The following SDK1 variants were observed in gnomAD, a reference collection of about 807,000 sequenced individuals.
The protein encoded by SDK1 is sidekick cell adhesion molecule 1.
A neutral mutation model predicts 245.5 loss-of-function variants in SDK1; 157 were observed. The observed-to-expected ratio is 0.64, with a 90% CI of 0.56 to 0.73. The LOEUF (loss-of-function observed/expected upper bound fraction) is 0.73. Among genes scored for constraint, SDK1 ranks in the 30% least tolerant of loss-of-function variants. The pLI, the probability that SDK1 is intolerant of heterozygous loss-of-function variation, is 0.00. For synonymous variants in SDK1, 1,647 were observed against 1,278.5 expected, an observed-to-expected ratio of 1.29 and a Z score of -6.15; for missense variants, 3,583 against 3,002.3, an observed-to-expected ratio of 1.19 and a Z score of -4.52.
chr7:3,503,928 GA>G (rs1425096486), intron 1 of SDK1, among the ~76,000 whole-genome samples: 5 of 151,992 alleles, frequency 3.3e-5, no homozygotes, highest in African/African-American at 1.2e-4. Flanking sequence ...GAGGTGGGCG[GA>G]TCACGAGGTC....
chr7:3,600,493 C>T (rs1041206233), intron 1 of SDK1, among the ~76,000 whole-genome samples: 6 of 151,108 alleles, frequency 4.0e-5, no homozygotes, highest in Admixed American at 2.6e-4. Context: ...TGATTCATTA[C>T]CAAGTTTACG....
chr7:3,632,537 G>C (rs1229020527), intron 2 of SDK1, among the ~76,000 whole-genome samples: 1 of 149,628 alleles, frequency 6.7e-6, no homozygotes, highest in Non-Finnish European at 1.5e-5. Flanking sequence ...CCCAAAACCA[G>C]TGCTACAGAT....
intron 1 of SDK1, among the ~76,000 whole-genome samples, chr7:3,342,396 C>G (rs904352556): frequency 2.0e-5 from 3 of 151,916 alleles, no homozygotes; most frequent in African/African-American, 7.3e-5. Flanking sequence ...TGAGATCAGC[C>G]TGACCGACAT....
chr7:3,534,585 T>C (rs987659103), intron 1 of SDK1, among the ~76,000 whole-genome samples: 2 of 151,944 alleles, frequency 1.3e-5, no homozygotes, highest in Admixed American at 1.3e-4. Context: ...AGGTGTGAGG[T>C]GGTGTTGCAC....
At chr7:3,625,091 C>G (rs1782072873) in intron 2 of SDK1, among the ~76,000 whole-genome samples, 1 of 151,942 alleles carries the variant, frequency 6.6e-6, no homozygotes, top group Admixed American at 6.6e-5. Context: ...CAAACCAATG[C>G]TAAAAACAAC....
chr7:3,855,461 A>G (rs1780522064), intron 5 of SDK1, among the ~76,000 whole-genome samples: 1 of 152,204 alleles, frequency 6.6e-6, no homozygotes, highest in Non-Finnish European at 1.5e-5. Context: ...GATTGTTGCA[A>G]TAAAAATTAA....
chr7:4,107,570 C>G (rs747638254), intron 22 of SDK1, among the ~76,000 whole-genome samples: 10 of 151,912 alleles, frequency 6.6e-5, no homozygotes, highest in African/African-American at 2.4e-5. Flanking sequence ...ACTGGTTTCA[C>G]TAAGAGGAGC....
chr7:3,595,852 AAAAAC>A (rs1179004750), intron 1 of SDK1, among the ~76,000 whole-genome samples: 13 of 149,130 alleles, frequency 8.7e-5, no homozygotes, highest in African/African-American at 2.2e-4. Flanking sequence ...AAAAAAAAAA[AAAAAC>A]AACAACAAAA....
At chr7:4,034,967 C>G (rs1422863329) in intron 17 of SDK1, among the ~76,000 whole-genome samples, 2 of 152,178 alleles carry the variant, frequency 1.3e-5, no homozygotes, top group Non-Finnish European at 2.9e-5. Flanking sequence ...TATATTTTAT[C>G]TATTCATAGC....
chr7:3,533,127 G>C (rs543283227), intron 1 of SDK1, among the ~76,000 whole-genome samples: 5 of 152,320 alleles, frequency 3.3e-5, no homozygotes, highest in African/African-American at 4.8e-5. Flanking sequence ...ATGTGATTCA[G>C]GTGGAGTTTG....
intron 5 of SDK1, among the ~76,000 whole-genome samples, chr7:3,834,154 G>A (rs926082355): frequency 1.3e-4 from 20 of 152,204 alleles, no homozygotes; most frequent in African/African-American, 4.6e-4. Context: ...GGCTTTTAGA[G>A]TCTCTGTCTC....
intron 1 of SDK1, among the ~76,000 whole-genome samples, chr7:3,486,256 T>C (rs1188408621): frequency 7.0e-6 from 1 of 143,220 alleles, no homozygotes; most frequent in African/African-American, 2.5e-5. Flanking sequence ...CTTTAATATC[T>C]GAGGTTGTTT....
At chr7:3,511,094 G>C (rs1330088707) in intron 1 of SDK1, among the ~76,000 whole-genome samples, 2 of 152,204 alleles carry the variant, frequency 1.3e-5, no homozygotes, top group East Asian at 3.9e-4. Context: ...GGGCATCTTT[G>C]AGAGTAGAGC....
intron 1 of SDK1, among the ~76,000 whole-genome samples, chr7:3,323,174 G>A (rs776031887): frequency 6.6e-6 from 1 of 151,966 alleles, no homozygotes; most frequent in African/African-American, 2.4e-5. Flanking sequence ...CCACTCGACC[G>A]AGGGCCAGGC....
chr7:4,090,849 A>G (rs145561485), intron 22 of SDK1, among the ~76,000 whole-genome samples: 341 of 152,216 alleles, frequency 2.2e-3, no homozygotes, highest in Non-Finnish European at 3.9e-3. Flanking sequence ...ATTATTTCAC[A>G]CTATCACCTC....
At chr7:3,706,115 C>T (rs1784881542) in intron 4 of SDK1, among the ~76,000 whole-genome samples, 2 of 152,106 alleles carry the variant, frequency 1.3e-5, no homozygotes, top group African/African-American at 2.4e-5. Context: ...TGGAATGAAA[C>T]CCACTTGAGC....
intron 17 of SDK1, among the ~76,000 whole-genome samples, chr7:4,024,143 A>C (rs6971092): frequency 0.069 from 10,444 of 152,258 alleles, 1,014 homozygotes; most frequent in African/African-American, 0.22. Flanking sequence ...TCAGAACATT[A>C]CCTTATAATG....
chr7:3,442,330 A>T (rs1453605668), intron 1 of SDK1, among the ~76,000 whole-genome samples: 1 of 152,214 alleles, frequency 6.6e-6, no homozygotes, highest in African/African-American at 2.4e-5. Flanking sequence ...TGTATGTGTC[A>T]GGTAGCTGGA....
At chr7:4,019,185 G>T (rs570285143) in intron 17 of SDK1, among the ~76,000 whole-genome samples, 47 of 152,292 alleles carry the variant, frequency 3.1e-4, no homozygotes, top group South Asian at 1.0e-3. Flanking sequence ...TCAAAGTGCA[G>T]ACAGTTTATA....
Sources: gnomAD v4.1 joint callset for allele counts (sites outside exome capture counted in the v4.1 genomes callset) on GRCh38, gnomAD v4.1.1 for gene constraint, MANE v1.5 for transcripts, NCBI Gene and HGNC (gene_info 2026-07-23, HGNC 2026-07-21) for gene names.